Variants in DCP1A observed in about 807,000 individuals in gnomAD.
DCP1A encodes the protein mRNA-decapping enzyme 1A.
Under a neutral mutation model 58.0 loss-of-function variants are expected in DCP1A, and 20 were observed. The ratio of observed to expected loss-of-function variants is 0.34; its 90% confidence interval spans 0.24 to 0.50. The LOEUF (loss-of-function observed/expected upper bound fraction) is 0.50, where lower values mean the gene tolerates loss of function less well. Among genes scored for constraint, DCP1A ranks in the 20% least tolerant of loss-of-function variants. The pLI is 0.98. For missense variants in DCP1A, 613 were observed against 712.2 expected (o/e 0.86, Z 1.59); for synonymous variants, 285 against 275.1 (o/e 1.04, Z -0.36).
chr3:53,301,445 G>C (rs915551840), intron 6 of DCP1A, among the ~76,000 whole-genome samples: 12 of 151,912 alleles, frequency 7.9e-5, no homozygotes, highest in Non-Finnish European at 1.3e-4. Context: ...TCCAATTTTT[G>C]TATTTTTAGT....
intron 1 of DCP1A, among the ~76,000 whole-genome samples, chr3:53,345,926 TAA>T (rs1412384842): frequency 1.3e-5 from 2 of 152,088 alleles, no homozygotes; most frequent in Non-Finnish European, 2.9e-5. Context: ...TGTAAAATAA[TAA>T]AGAGGGAAAA....
At chr3:53,324,563 C>T (rs1708059465) in intron 3 of DCP1A, among the ~76,000 whole-genome samples, 1 of 152,224 alleles carries the variant, frequency 6.6e-6, no homozygotes, top group South Asian at 2.1e-4. Flanking sequence ...AGAATTCAGG[C>T]TTTTGGCAAT....
At chr3:53,299,802 C>T (rs1553687207) in intron 6 of DCP1A, among the ~76,000 whole-genome samples, 1 of 152,232 alleles carries the variant, frequency 6.6e-6, no homozygotes, top group Non-Finnish European at 1.5e-5. Flanking sequence ...TAGTCAATCA[C>T]ATGACTTCTG....
intron 5 of DCP1A, among the ~76,000 whole-genome samples, chr3:53,311,488 T>C (rs914148572): frequency 2.0e-5 from 3 of 152,164 alleles, no homozygotes; most frequent in Admixed American, 2.0e-4. Context: ...AGTACCACAA[T>C]TGCCATTTTA....
intron 3 of DCP1A, among the ~76,000 whole-genome samples, chr3:53,334,994 A>G (rs1217615653): frequency 6.6e-6 from 1 of 151,304 alleles, no homozygotes; most frequent in African/African-American, 2.4e-5. Flanking sequence ...ATATGCTGTC[A>G]GTCTAACTGG....
chr3:53,338,900 A>G (rs2089160083), intron 3 of DCP1A, among the ~76,000 whole-genome samples: 1 of 151,984 alleles, frequency 6.6e-6, no homozygotes, highest in Non-Finnish European at 1.5e-5. Flanking sequence ...AATAAATAAA[A>G]CAAATAACTT....
At chr3:53,332,276 T>C (rs1553691376) in intron 3 of DCP1A, among the ~76,000 whole-genome samples, 1 of 152,182 alleles carries the variant, frequency 6.6e-6, no homozygotes, top group Non-Finnish European at 1.5e-5. Context: ...ATGGGAGAGA[T>C]TTTTAGTCTA....
intron 4 of DCP1A, among the ~76,000 whole-genome samples, chr3:53,314,675 T>TC (rs1457366962): frequency 2.8e-5 from 4 of 142,324 alleles, no homozygotes; most frequent in Admixed American, 2.8e-4. Context: ...TTCTTTTTTT[T>TC]TTTTTTTTTT....
At chr3:53,316,355 T>C (rs142428037) in intron 4 of DCP1A, among the ~76,000 whole-genome samples, 10 of 152,266 alleles carry the variant, frequency 6.6e-5, no homozygotes, top group African/African-American at 1.9e-4. Context: ...AATGGTAACA[T>C]ACAATATTCT....
At chr3:53,321,654 G>A (rs1707970827) in intron 3 of DCP1A, among the ~76,000 whole-genome samples, 1 of 152,200 alleles carries the variant, frequency 6.6e-6, no homozygotes, top group South Asian at 2.1e-4. Flanking sequence ...AGGAGGTGGA[G>A]GTTGCAGTGA....
intron 3 of DCP1A, among the ~76,000 whole-genome samples, chr3:53,320,452 G>A (rs1553689780): frequency 6.6e-6 from 1 of 152,082 alleles, no homozygotes; most frequent in African/African-American, 2.4e-5. Flanking sequence ...GCTACCATGT[G>A]GGCCCATATG....
chr3:53,331,478 C>T (rs1444047325), intron 3 of DCP1A, among the ~76,000 whole-genome samples: 3 of 152,162 alleles, frequency 2.0e-5, no homozygotes, highest in African/African-American at 7.2e-5. Flanking sequence ...CTATAACTGC[C>T]TCTCACATTC....
At chr3:53,330,135 A>G (rs1252530182) in intron 3 of DCP1A, among the ~76,000 whole-genome samples, 1 of 152,192 alleles carries the variant, frequency 6.6e-6, no homozygotes, top group East Asian at 1.9e-4. Context: ...ATAACTCTCA[A>G]ATCACAGACC....
intron 6 of DCP1A, among the ~76,000 whole-genome samples, chr3:53,300,177 G>A (rs562817398): frequency 7.2e-5 from 11 of 152,090 alleles, no homozygotes; most frequent in Admixed American, 2.6e-4. Context: ...CCGACCAAAC[G>A]TGAAGTTTTA....
chr3:53,308,109 C>G (rs1323286829), intron 5 of DCP1A, among the ~76,000 whole-genome samples: 1 of 151,766 alleles, frequency 6.6e-6, no homozygotes, highest in Non-Finnish European at 1.5e-5. Flanking sequence ...GGATACGTAA[C>G]AAAGTATTAG....
In DCP1A at chr3:53,288,223, G is replaced by A; in HGVS notation, c.1510C>T (p.Pro504Ser). 6.2e-7 allele frequency: 1 copy of A among 1,613,858 alleles called. No individual in the cohort carries two copies. Among genetic ancestry groups the A allele is most frequent in the Non-Finnish European group, 8.5e-7 (1 of 1,179,856 alleles). The change falls in exon 9 of 10, where the codon CCA becomes TCA. Residue 504 changes from proline to serine, a missense_variant. This residue lies in a region of DCP1A where 498 missense variants were observed against 556.7 expected (regional missense o/e 0.89). Coordinates refer to ENST00000610213, the MANE Select transcript of DCP1A (RefSeq NM_018403.7). ...TTAVSSVLLA[P>S]SVFQQTVTRS... Reference sequence around the variant, plus strand: ...GTAACTGTCTGCTGGAAAACACTTGGGGCCAGCAGGACTGAAGACACTGCA... The same window carrying A: ...GTAACTGTCTGCTGGAAAACACTTGAGGCCAGCAGGACTGAAGACACTGCA...
At chr3:53,290,532 T>G (rs782302844) in intron 8 of DCP1A, 2 of 598,906 alleles carry the variant, frequency 3.3e-6, no homozygotes, top group Non-Finnish European at 5.9e-6. Flanking sequence ...GAAAGGCATC[T>G]AAGATGTGCT....
At chr3:53,323,238 C>CA (rs1708021103) in intron 3 of DCP1A, among the ~76,000 whole-genome samples, 1 of 152,196 alleles carries the variant, frequency 6.6e-6, no homozygotes, top group Non-Finnish European at 1.5e-5. Context: ...TGTTTTACAT[C>CA]ATGGTAAGTC....
At chr3:53,332,857 CAA>C (rs782238241) in intron 3 of DCP1A, among the ~76,000 whole-genome samples, 5 of 132,920 alleles carry the variant, frequency 3.8e-5, no homozygotes, top group Non-Finnish European at 4.9e-5. Context: ...GACTCCGTTT[CAA>C]AAAAAAAAAA....
Sources: allele counts gnomAD v4.1 joint callset (sites outside exome capture counted in the v4.1 genomes callset), GRCh38; gene constraint gnomAD v4.1.1; regional missense constraint gnomAD v4.1.1; transcripts MANE v1.5; gene names NCBI Gene and HGNC (gene_info 2026-07-23, HGNC 2026-07-21).